FHIT: variants seen among roughly 807,000 people sequenced by gnomAD.
FHIT encodes the protein fragile histidine triad diadenosine triphosphatase.
Under a neutral mutation model 17.9 loss-of-function variants are expected in FHIT, and 19 were observed. The ratio of observed to expected loss-of-function variants is 1.06; its 90% CI spans 0.74 to 1.56. The LOEUF (loss-of-function observed/expected upper bound fraction) is 1.56. FHIT is among the 40% of genes most tolerant of loss of function. The probability of loss-of-function intolerance (pLI) is 0.00; values close to 1 mark genes in which losing one functional copy is unlikely to be tolerated. For synonymous variants in FHIT, 81 were observed against 69.7 expected, an observed-to-expected ratio of 1.16 and a Z score of -0.81; for missense variants, 248 against 189.2, an observed-to-expected ratio of 1.31 and a Z score of -1.82.
chr3:60,299,742 G>T (rs780449638), intron 5 of FHIT, among the ~76,000 whole-genome samples: 57 of 152,042 alleles, frequency 3.7e-4, no homozygotes, highest in Non-Finnish European at 7.5e-4. Flanking sequence ...TTGGCTTTCT[G>T]TAATACCAAC....
chr3:60,728,907 A>C (rs1333834002), intron 4 of FHIT, among the ~76,000 whole-genome samples: 1 of 152,194 alleles, frequency 6.6e-6, no homozygotes, highest in Non-Finnish European at 1.5e-5. Flanking sequence ...GAAATGTACA[A>C]ATAACTAATA....
At chr3:60,882,855 T>A (rs1205463478) in intron 3 of FHIT, among the ~76,000 whole-genome samples, 1 of 152,110 alleles carries the variant, frequency 6.6e-6, no homozygotes, top group Non-Finnish European at 1.5e-5. Flanking sequence ...ACATTGGAAG[T>A]CCTAGCCAGA....
chr3:60,005,391 G>T (rs1575863945), intron 7 of FHIT, among the ~76,000 whole-genome samples: 1 of 152,116 alleles, frequency 6.6e-6, no homozygotes, highest in South Asian at 2.1e-4. Context: ...AGACAGGCAG[G>T]CCCCCAGCCC....
chr3:60,736,179 C>G (rs1382136676), intron 4 of FHIT, among the ~76,000 whole-genome samples: 1 of 152,142 alleles, frequency 6.6e-6, no homozygotes, highest in Non-Finnish European at 1.5e-5. Flanking sequence ...AATTTGAAGT[C>G]TCATATTGGC....
At chr3:60,460,705 A>G (rs935106313) in intron 5 of FHIT, among the ~76,000 whole-genome samples, 7 of 152,170 alleles carry the variant, frequency 4.6e-5, no homozygotes, top group Non-Finnish European at 8.8e-5. Context: ...TGTGATTTAC[A>G]ATCCTCAAAG....
At chr3:60,828,354 TC>T (rs1553741575) in intron 3 of FHIT, among the ~76,000 whole-genome samples, 3 of 152,190 alleles carry the variant, frequency 2.0e-5, no homozygotes, top group African/African-American at 7.2e-5. Flanking sequence ...AATCCATTAT[TC>T]AATTTTCCTT....
intron 7 of FHIT, among the ~76,000 whole-genome samples, chr3:59,926,443 C>T (rs1342961050): frequency 1.3e-5 from 2 of 152,136 alleles, no homozygotes; most frequent in Admixed American, 6.5e-5. Flanking sequence ...AAGGAAATGA[C>T]TATACATTCT....
intron 5 of FHIT, among the ~76,000 whole-genome samples, chr3:60,320,277 T>C (rs1258763672): frequency 2.0e-5 from 3 of 152,126 alleles, no homozygotes; most frequent in Non-Finnish European, 4.4e-5. Flanking sequence ...GAAGGAAAAC[T>C]GGGGCAGATG....
chr3:60,256,619 A>G (rs543807761), intron 5 of FHIT, among the ~76,000 whole-genome samples: 14 of 152,318 alleles, frequency 9.2e-5, no homozygotes, highest in East Asian at 3.9e-4. Flanking sequence ...CCAGTCAAGC[A>G]CTAGCCACCA....
chr3:61,158,142 T>C (rs188990259), intron 2 of FHIT, among the ~76,000 whole-genome samples: 3 of 152,348 alleles, frequency 2.0e-5, no homozygotes, highest in Admixed American at 6.5e-5. Context: ...TTCTCAGCCA[T>C]ACATTTTCTT....
chr3:60,351,807 A>G (rs1344901841), intron 5 of FHIT, among the ~76,000 whole-genome samples: 2 of 152,274 alleles, frequency 1.3e-5, no homozygotes, highest in East Asian at 3.9e-4. Flanking sequence ...CTTATTTCCT[A>G]ACACAACAAA....
intron 4 of FHIT, among the ~76,000 whole-genome samples, chr3:60,784,878 C>T (rs1233406349): frequency 6.6e-6 from 1 of 152,184 alleles, no homozygotes; most frequent in Non-Finnish European, 1.5e-5. Flanking sequence ...CATGTGAGGA[C>T]ACAGCAAGAA....
At chr3:60,392,254 G>A (rs1247414530) in intron 5 of FHIT, among the ~76,000 whole-genome samples, 2 of 152,060 alleles carry the variant, frequency 1.3e-5, no homozygotes, top group African/African-American at 4.8e-5. Context: ...CTAATGTTGA[G>A]GCAAGAACAT....
At chr3:61,155,370 A>AT (rs1374344410) in intron 2 of FHIT, among the ~76,000 whole-genome samples, 3 of 152,144 alleles carry the variant, frequency 2.0e-5, no homozygotes, top group Admixed American at 1.3e-4. Context: ...AGGTAGATTA[A>AT]TTTTTTTAAT....
chr3:61,021,598 CAAAAAAAAAA>C (rs34870709), intron 3 of FHIT, among the ~76,000 whole-genome samples: 3 of 63,862 alleles, frequency 4.7e-5, no homozygotes, highest in Admixed American at 2.1e-4. Context: ...GACTCCGTCT[CAAAAAAAAAA>C]AAAAAAAAAA....
At chr3:61,201,723 C>A (rs902478312) in intron 1 of FHIT, among the ~76,000 whole-genome samples, 3 of 148,950 alleles carry the variant, frequency 2.0e-5, no homozygotes, top group African/African-American at 7.8e-5. Flanking sequence ...TTCTATGGGA[C>A]AGCATCAGAA....
intron 4 of FHIT, among the ~76,000 whole-genome samples, chr3:60,685,964 C>T (rs2040854421): frequency 6.6e-6 from 1 of 152,008 alleles, no homozygotes; most frequent in African/African-American, 2.4e-5. Flanking sequence ...TTTTTCTTGT[C>T]ATCCCAAAGA....
intron 2 of FHIT, among the ~76,000 whole-genome samples, chr3:61,200,310 A>C (rs2038974236): frequency 6.6e-6 from 1 of 152,204 alleles, no homozygotes. Context: ...GTACAAGTGC[A>C]TTCTTTTTCC....
chr3:60,648,032 T>A (rs1180125439), intron 4 of FHIT, among the ~76,000 whole-genome samples: 1 of 152,084 alleles, frequency 6.6e-6, no homozygotes, highest in Non-Finnish European at 1.5e-5. Context: ...ATATGCAGGG[T>A]TTGGACTTCT....
Sources: gnomAD v4.1 joint callset for allele counts (sites outside exome capture counted in the v4.1 genomes callset) on GRCh38, gnomAD v4.1.1 for gene constraint, MANE v1.5 for transcripts, NCBI Gene and HGNC (gene_info 2026-07-23, HGNC 2026-07-21) for gene names.